BMPR2: variants seen among roughly 807,000 people sequenced by gnomAD.
BMPR2 encodes bone morphogenetic protein receptor type 2, also known as bone morphogenetic protein receptor type-2.
A neutral mutation model predicts 100.8 loss-of-function variants in BMPR2; 29 were observed. The observed-to-expected ratio is 0.29, with a 90% CI of 0.21 to 0.39. The LOEUF (loss-of-function observed/expected upper bound fraction) is 0.39, where lower values mean the gene tolerates loss of function less well. Among genes scored for constraint, BMPR2 ranks in the 10% least tolerant of loss-of-function variants. The pLI is 1.00. For missense variants in BMPR2, 1,011 were observed against 1,274.5 expected, an observed-to-expected ratio of 0.79 and a Z score of 3.15; for synonymous variants, 382 against 442.3, an observed-to-expected ratio of 0.86 and a Z score of 1.71.
At chr2:202,448,246 A>C (rs1691895260) in intron 1 of BMPR2, among the ~76,000 whole-genome samples, 1 of 150,940 alleles carries the variant, frequency 6.6e-6, no homozygotes, top group South Asian at 2.1e-4. Context: ...TCAGGATATC[A>C]AGACCATCCT....
chr2:202,534,221 G>GTGTGTA (rs1232363728), intron 9 of BMPR2, among the ~76,000 whole-genome samples: 60 of 140,742 alleles, frequency 4.3e-4, no homozygotes, highest in African/African-American at 1.4e-3. Flanking sequence ...GTGTGTGTGT[G>GTGTGTA]TATATATATA....
intron 1 of BMPR2, among the ~76,000 whole-genome samples, chr2:202,383,229 G>A (rs1340093932): frequency 6.6e-6 from 1 of 152,116 alleles, no homozygotes; most frequent in South Asian, 2.1e-4. Flanking sequence ...TCAGGATTTC[G>A]AGACCAGCCC....
chr2:202,445,781 T>C (rs1264187895), intron 1 of BMPR2, among the ~76,000 whole-genome samples: 1 of 146,338 alleles, frequency 6.8e-6, no homozygotes, highest in East Asian at 2.0e-4. Flanking sequence ...ATTTTTTTTT[T>C]TTTTTTTTTT....
In BMPR2 at chr2:202,514,990, C is replaced by A; in HGVS notation, c.621+11C>A. 1 of 1,611,964 alleles carries A rather than the reference C, an allele frequency of 6.2e-7. No homozygotes were observed. The highest frequency in any genetic ancestry group is 8.5e-7 in the Non-Finnish European group (1 of 1,178,158). Reference sequence around the variant, plus strand: ...CTGAAACTGTTGGAGGTAAGTTTGCCGTTAGATTATGGACTGTTGTTTCTA... The same window carrying A: ...CTGAAACTGTTGGAGGTAAGTTTGCAGTTAGATTATGGACTGTTGTTTCTA... On this transcript the variant is annotated intron_variant, in intron 5 of 12. Coordinates refer to ENST00000374580, the MANE Select transcript of BMPR2 (RefSeq NM_001204.7).
chr2:202,540,909 C>A (rs533412520), intron 9 of BMPR2, among the ~76,000 whole-genome samples: 2 of 152,204 alleles, frequency 1.3e-5, no homozygotes, highest in South Asian at 4.1e-4. Context: ...GAGACAGGAA[C>A]AGTCTCTGTG....
chr2:202,528,360 T>C (rs1687957404), intron 7 of BMPR2, among the ~76,000 whole-genome samples: 1 of 152,114 alleles, frequency 6.6e-6, no homozygotes, highest in Non-Finnish European at 1.5e-5. Flanking sequence ...GCTGATTTTT[T>C]GTATTTTTAG....
chr2:202,442,953 C>T (rs1342324249), intron 1 of BMPR2, among the ~76,000 whole-genome samples: 2 of 150,464 alleles, frequency 1.3e-5, no homozygotes, highest in East Asian at 1.9e-4. Context: ...ATATTGAAAC[C>T]CTAACTCCCA....
intron 10 of BMPR2, among the ~76,000 whole-genome samples, chr2:202,548,692 T>G (rs955828259): frequency 6.6e-6 from 1 of 152,188 alleles, no homozygotes; most frequent in African/African-American, 2.4e-5. Context: ...TTTTCTACTT[T>G]TTTTTCCCCC....
At chr2:202,525,690 G>A (rs539887380) in intron 7 of BMPR2, among the ~76,000 whole-genome samples, 1 of 152,136 alleles carries the variant, frequency 6.6e-6, no homozygotes, top group African/African-American at 2.4e-5. Context: ...TTTCCTGCTT[G>A]TATTGCTGCC....
intron 7 of BMPR2, among the ~76,000 whole-genome samples, chr2:202,527,678 T>C (rs1574492464): frequency 1.3e-5 from 2 of 151,402 alleles, no homozygotes; most frequent in East Asian, 3.9e-4. Flanking sequence ...TCCCAGCTAC[T>C]CGGGAGGCTG....
chr2:202,395,937 CAAAACAA>C (rs1434477979), intron 1 of BMPR2, among the ~76,000 whole-genome samples: 1 of 150,786 alleles, frequency 6.6e-6, no homozygotes. Flanking sequence ...AACTCCATCT[CAAAACAA>C]AAAACAAACA....
At chr2:202,384,531 T>TC (rs1159383239) in intron 1 of BMPR2, among the ~76,000 whole-genome samples, 4 of 24,872 alleles carry the variant, frequency 1.6e-4, no homozygotes, top group Non-Finnish European at 3.7e-4. Flanking sequence ...TCTTTCTTTC[T>TC]CTTTCTTTCT....
intron 1 of BMPR2, among the ~76,000 whole-genome samples, chr2:202,434,114 CAA>C (rs1228576217): frequency 6.6e-6 from 1 of 150,598 alleles, no homozygotes; most frequent in East Asian, 1.9e-4. Flanking sequence ...TAAACTTGGG[CAA>C]ACTTTCATCT....
intron 1 of BMPR2, among the ~76,000 whole-genome samples, chr2:202,457,801 C>T (rs1411884609): frequency 2.6e-5 from 4 of 152,068 alleles, no homozygotes; most frequent in Non-Finnish European, 5.9e-5. Flanking sequence ...GTGATCTTGG[C>T]TCACTGCAGC....
At chr2:202,399,697 C>G (rs1361788476) in intron 1 of BMPR2, among the ~76,000 whole-genome samples, 3 of 152,116 alleles carry the variant, frequency 2.0e-5, no homozygotes, top group Non-Finnish European at 4.4e-5. Flanking sequence ...TCAAGATGGC[C>G]AAGGGTAGTG....
intron 7 of BMPR2, among the ~76,000 whole-genome samples, chr2:202,526,872 A>C (rs1687921662): frequency 1.3e-5 from 2 of 151,908 alleles, no homozygotes; most frequent in African/African-American, 4.8e-5. Context: ...AATTTATGGG[A>C]TTTTTCTTTT....
chr2:202,382,353 C>T (rs1047051693), intron 1 of BMPR2, among the ~76,000 whole-genome samples: 6 of 151,628 alleles, frequency 4.0e-5, no homozygotes, highest in African/African-American at 7.3e-5. Context: ...CCACCACACC[C>T]GAAATTTTTT....
intron 1 of BMPR2, among the ~76,000 whole-genome samples, chr2:202,412,396 G>A (rs1258325085): frequency 1.3e-5 from 2 of 152,142 alleles, no homozygotes; most frequent in African/African-American, 4.8e-5. Flanking sequence ...TCGGCTCACT[G>A]CAAGCTCCGC....
At chr2:202,380,462 C>G (rs1244465821) in intron 1 of BMPR2, among the ~76,000 whole-genome samples, 3 of 151,988 alleles carry the variant, frequency 2.0e-5, no homozygotes, top group Non-Finnish European at 4.4e-5. Flanking sequence ...AGTGTGGGTA[C>G]TGCAACAGAA....
Sources: allele counts gnomAD v4.1 joint callset (sites outside exome capture counted in the v4.1 genomes callset), GRCh38; gene constraint gnomAD v4.1.1; transcripts MANE v1.5; gene names NCBI Gene and HGNC (gene_info 2026-07-23, HGNC 2026-07-21).